The following KCTD1 variants were observed in gnomAD, a reference collection of about 807,000 sequenced individuals.
KCTD1 encodes the protein BTB/POZ domain-containing protein KCTD1.
Under a neutral mutation model 66.0 loss-of-function variants are expected in KCTD1, and 24 were observed. The observed-to-expected ratio is 0.36, with a 90% CI of 0.26 to 0.51. KCTD1 has a LOEUF of 0.51. Ranked by LOEUF, KCTD1 falls within the 20% of genes least tolerant of loss-of-function variation. The probability of loss-of-function intolerance (pLI) is 0.95; values close to 1 mark genes in which losing one functional copy is unlikely to be tolerated. For missense variants in KCTD1, 943 were observed against 1,205.2 expected, an observed-to-expected ratio of 0.78 and a Z score of 3.22; for synonymous variants, 511 against 517.2, an observed-to-expected ratio of 0.99 and a Z score of 0.16.
chr18:26,502,163 C>A (rs1364375768), intron 1 of KCTD1, among the ~76,000 whole-genome samples: 1 of 152,246 alleles, frequency 6.6e-6, no homozygotes, highest in African/African-American at 2.4e-5. Context: ...CATTCTCCTG[C>A]CTCAGCCTCC....
intron 1 of KCTD1, among the ~76,000 whole-genome samples, chr18:26,587,268 G>T (rs1374152425): frequency 6.6e-6 from 1 of 152,144 alleles, no homozygotes; most frequent in Non-Finnish European, 1.5e-5. Context: ...ACGAAGCCTG[G>T]ATAAAAGCAC....
At chr18:26,485,295 G>A (rs1981857345) in intron 2 of KCTD1, among the ~76,000 whole-genome samples, 1 of 152,140 alleles carries the variant, frequency 6.6e-6, no homozygotes, top group African/African-American at 2.4e-5. Flanking sequence ...ACTAATCAAT[G>A]GTAAGGCCAG....
intron 1 of KCTD1, among the ~76,000 whole-genome samples, chr18:26,620,347 TTA>T (rs1987346719): frequency 5.0e-5 from 2 of 39,690 alleles, no homozygotes; most frequent in African/African-American, 2.4e-4. Flanking sequence ...AAGGTAAATC[TTA>T]AAAAAAAAAA....
At chr18:26,604,377 A>T (rs549699) in intron 1 of KCTD1, among the ~76,000 whole-genome samples, 53,387 of 152,106 alleles carry the variant, frequency 0.35, 9,511 homozygotes, top group Non-Finnish European at 0.39. Context: ...TAAAAGCAGA[A>T]CTACCATTTG....
intron 3 of KCTD1, among the ~76,000 whole-genome samples, chr18:26,470,332 G>A (rs1289189954): frequency 1.3e-5 from 2 of 152,144 alleles, no homozygotes; most frequent in Admixed American, 6.5e-5. Context: ...TCTGGCCAAT[G>A]AGCCACAAAG....
chr18:26,553,196 C>T (rs564943078), upstream of KCTD1, among the ~76,000 whole-genome samples: 1 of 152,128 alleles, frequency 6.6e-6, no homozygotes, highest in South Asian at 2.1e-4. Context: ...CCCCATGTTG[C>T]CTATGCTGGT....
At chr18:26,489,208 TCTAA>T (rs909854763) in intron 2 of KCTD1, among the ~76,000 whole-genome samples, 13 of 152,212 alleles carry the variant, frequency 8.5e-5, no homozygotes, top group African/African-American at 3.1e-4. Context: ...TGGTAATTCA[TCTAA>T]CTGAGGCTAT....
intron 1 of KCTD1, among the ~76,000 whole-genome samples, chr18:26,517,169 T>C (rs549553021): frequency 1.9e-4 from 29 of 152,174 alleles, no homozygotes; most frequent in African/African-American, 7.0e-4. Context: ...ACTGAAGTTT[T>C]AAAAAATGAC....
At chr18:26,569,892 A>G (rs1230139088) in intron 1 of KCTD1, among the ~76,000 whole-genome samples, 1 of 152,220 alleles carries the variant, frequency 6.6e-6, no homozygotes, top group Non-Finnish European at 1.5e-5. Context: ...TCAATTAACT[A>G]AAAGGTCACA....
Position 26,532,268 on chromosome 18 carries a change from T to C in KCTD1, c.1809+14460A>G, listed in dbSNP as rs1163369848. On this transcript the variant is annotated intron_variant, in intron 1 of 4. Coordinates refer to ENST00000580059, the MANE Select transcript of KCTD1 (RefSeq NM_001142730.3). ...TTTTTCTTTTCTTTCCTTCTTTTTT[T>C]TTTTTTTTTTTTTTTTTTTGAGACA... Among the ~76,000 whole-genome samples, 96 of 46,316 alleles carry C rather than the reference T, an allele frequency of 2.1e-3. 4 individuals carry two copies. The highest frequency in any genetic ancestry group is 0.014 in the Middle Eastern group (1 of 72). 30.4% of individuals were successfully genotyped at this position (46,316 alleles called of 152,430 possible). A position where few individuals can be genotyped will look rare whatever the true frequency, so the allele number is the denominator to read the frequency against.
In KCTD1 at chr18:26,509,725, G is replaced by A. The variant is rs577530129; in HGVS notation, c.1810-8475C>T. On this transcript the variant is annotated intron_variant, in intron 1 of 4. Transcript: ENST00000580059. ...AAAGGAAAACATTTTTCTAAGTTAA[G>A]ACAATTTTCAAAACCCCATATAGCT... 3.4e-4 allele frequency among the ~76,000 whole-genome samples: 52 copies of A among 152,114 alleles called. 1 individual carries two copies. The highest frequency in any genetic ancestry group is 7.3e-5 in the Non-Finnish European group (5 of 68,030).
In KCTD1 at chr18:26,578,337, G is replaced by A. The variant is rs187943031; in HGVS notation, c.-16+50810C>T. ...GTATATTGCTGTTTATAAAAGAACTGAACCGCCTTTAATGAAAACATATTT... is the reference window on the plus strand; with the variant it reads ...GTATATTGCTGTTTATAAAAGAACTAAACCGCCTTTAATGAAAACATATTT... On this transcript the variant is annotated intron_variant, in intron 1 of 4. Coordinates refer to the KCTD1 transcript ENST00000317932. Among the ~76,000 whole-genome samples the A allele has an allele frequency of 2.5e-4, 38 of 152,134 alleles. No individual in the cohort carries two copies. The East Asian group carries it at 7.3e-3, about 29-fold the overall frequency.
chr18:26,629,121 G>C (rs192075437), intron 1 of KCTD1: 1 of 943,976 alleles, frequency 1.1e-6, no homozygotes, highest in Non-Finnish European at 1.3e-6. Flanking sequence ...AATTATGAGG[G>C]AGGAAGTGTG....
chr18:26,620,309 A>C (rs1000964981), intron 1 of KCTD1, among the ~76,000 whole-genome samples: 2 of 146,536 alleles, frequency 1.4e-5, no homozygotes, highest in Non-Finnish European at 3.0e-5. Flanking sequence ...TATGAAATTC[A>C]AATTCACGTG....
intron 1 of KCTD1, among the ~76,000 whole-genome samples, chr18:26,645,614 T>G (rs1336856522): frequency 6.6e-6 from 1 of 152,108 alleles, no homozygotes; most frequent in Non-Finnish European, 1.5e-5. Flanking sequence ...CCCAGACTGG[T>G]CTCAAACTCC....
intron 1 of KCTD1, among the ~76,000 whole-genome samples, chr18:26,520,015 A>G (rs972680412): frequency 2.6e-5 from 4 of 152,246 alleles, no homozygotes; most frequent in Non-Finnish European, 5.9e-5. Context: ...ATATGTCCTC[A>G]ATGTCAAATC....
intron 1 of KCTD1, among the ~76,000 whole-genome samples, chr18:26,505,296 C>T (rs1982976798): frequency 1.3e-5 from 2 of 152,252 alleles, no homozygotes; most frequent in South Asian, 2.1e-4. Flanking sequence ...TTCAGGATTA[C>T]TTCTGGAGAA....
At chr18:26,657,135 G>A (rs924715701) in intron 1 of KCTD1, among the ~76,000 whole-genome samples, 3 of 151,788 alleles carry the variant, frequency 2.0e-5, no homozygotes, top group Admixed American at 6.6e-5. Flanking sequence ...CCCACTGGAG[G>A]AAGAAAGCCG....
At chr18:26,467,584 G>A (rs1598877859) in intron 3 of KCTD1, among the ~76,000 whole-genome samples, 1 of 151,986 alleles carries the variant, frequency 6.6e-6, no homozygotes, top group Admixed American at 6.6e-5. Flanking sequence ...GGGAGGCCGA[G>A]GTGGGTGGAT....
Sources: gnomAD v4.1 joint callset for allele counts (sites outside exome capture counted in the v4.1 genomes callset) on GRCh38, gnomAD v4.1.1 for gene constraint, MANE v1.5 for transcripts, NCBI Gene and HGNC (gene_info 2026-07-23, HGNC 2026-07-21) for gene names.